CRTAC1: variants seen among roughly 807,000 people sequenced by gnomAD.
CRTAC1 encodes the protein cartilage acidic protein 1.
CRTAC1 carries 37 observed loss-of-function variants against 67.8 expected under a neutral mutation model. That is an observed-to-expected ratio of 0.55 (90% CI 0.42 to 0.72). The LOEUF (loss-of-function observed/expected upper bound fraction) is 0.72. Among genes scored for constraint, CRTAC1 ranks in the 30% least tolerant of loss-of-function variants. The pLI, the probability that CRTAC1 is intolerant of heterozygous loss-of-function variation, is 0.00. For synonymous variants in CRTAC1, 348 were observed against 371.0 expected (o/e 0.94, Z 0.71); for missense variants, 780 against 931.6 (o/e 0.84, Z 2.12).
chr10:97,901,308 C>G (rs540752642), intron 8 of CRTAC1, among the ~76,000 whole-genome samples, 195 bp downstream of exon 8: 1 of 152,380 alleles, frequency 6.6e-6, no homozygotes, highest in African/African-American at 2.4e-5. Flanking sequence ...AGGCTTTGCC[C>G]TGCATTCCCA....
At chr10:98,015,929 G>A (rs968799274) in intron 1 of CRTAC1, among the ~76,000 whole-genome samples, 1 of 152,148 alleles carries the variant, frequency 6.6e-6, no homozygotes, top group African/African-American at 2.4e-5. Flanking sequence ...GTGAAGGCAC[G>A]AGATTGGTTT....
At chr10:98,001,165 C>T (rs2136683753) in intron 2 of CRTAC1, among the ~76,000 whole-genome samples, 1 of 152,054 alleles carries the variant, frequency 6.6e-6, no homozygotes, top group Middle Eastern at 3.4e-3. Context: ...ATGTATAAAA[C>T]AAAAATCGAC....
intron 2 of CRTAC1, among the ~76,000 whole-genome samples, chr10:97,973,733 T>C (rs943371423): frequency 6.6e-6 from 1 of 152,204 alleles, no homozygotes; most frequent in Non-Finnish European, 1.5e-5. Context: ...ACAACTTTTC[T>C]AGAATATTCT....
At chr10:97,944,355 C>T (rs558845626) in intron 2 of CRTAC1, among the ~76,000 whole-genome samples, 10 of 151,858 alleles carry the variant, frequency 6.6e-5, no homozygotes, top group East Asian at 1.9e-4. Flanking sequence ...TCGCATGAAC[C>T]GGGGAGGCAG....
rs1346074365 is a variant in CRTAC1 at position 97,975,733 on chromosome 10, C to G, written c.224+35405G>C. On this transcript the variant is annotated intron_variant, in intron 2 of 14. Transcript: ENST00000370597. This position sits in a 1 kb window ranked among gnomAD's most constrained non-coding sequence, Gnocchi z 4.8. Reference sequence around the variant, plus strand: ...AGACGAGGGAAGACTGGGCTTCCAGCCCCTCACTCCTATACAGAGGCCCTG... The same window carrying G: ...AGACGAGGGAAGACTGGGCTTCCAGGCCCTCACTCCTATACAGAGGCCCTG... Among the ~76,000 whole-genome samples the G allele has an allele frequency of 6.6e-6, 1 of 152,226 alleles. No individual in the cohort carries two copies. Among genetic ancestry groups the G allele is most frequent in the Non-Finnish European group, 1.5e-5 (1 of 68,030 alleles).
At chr10:98,016,398 G>A (rs920894954) in intron 1 of CRTAC1, among the ~76,000 whole-genome samples, 15 of 152,164 alleles carry the variant, frequency 9.9e-5, no homozygotes, top group South Asian at 2.1e-4. Flanking sequence ...TGTCATAGGT[G>A]TTTAAAAGCC....
At chr10:97,893,311 C>G (rs1197541191) in intron 11 of CRTAC1, among the ~76,000 whole-genome samples, 2 of 152,250 alleles carry the variant, frequency 1.3e-5, no homozygotes, top group South Asian at 2.1e-4. Context: ...TAATTTGAGA[C>G]CATAGTGCCT....
chr10:97,883,566 C>T (rs2050243389), intron 12 of CRTAC1, among the ~76,000 whole-genome samples: 5 of 152,226 alleles, frequency 3.3e-5, no homozygotes, highest in Admixed American at 6.5e-5. Flanking sequence ...AGTGCACTGA[C>T]AAAGGTCCTT....
At chr10:97,905,802 G>A (rs1201412899) in intron 6 of CRTAC1, among the ~76,000 whole-genome samples, 2 of 152,212 alleles carry the variant, frequency 1.3e-5, no homozygotes, top group Non-Finnish European at 2.9e-5. Context: ...AGCATGCCTG[G>A]TGAGACCTGG....
At chr10:97,943,160 T>TATGA (rs1184615109) in intron 2 of CRTAC1, among the ~76,000 whole-genome samples, 1 of 151,744 alleles carries the variant, frequency 6.6e-6, no homozygotes, top group African/African-American at 2.4e-5. Context: ...GAGAGAGATG[T>TATGA]ATGAATGCAC....
At chr10:97,984,309 G>A (rs1259069834) in intron 2 of CRTAC1, among the ~76,000 whole-genome samples, 1 of 152,174 alleles carries the variant, frequency 6.6e-6, no homozygotes, top group Non-Finnish European at 1.5e-5. Flanking sequence ...CCATCCAAAT[G>A]AGTGTCCCTC....
intron 14 of CRTAC1, chr10:97,879,684 T>C (rs550641832): frequency 1.3e-6 from 2 of 1,545,574 alleles, no homozygotes; most frequent in African/African-American, 2.8e-5. Context: ...TGATGGGATT[T>C]AAAGTGCATA....
At chr10:97,892,947 GCA>G (rs1024947493) in intron 11 of CRTAC1, among the ~76,000 whole-genome samples, 1 of 152,112 alleles carries the variant, frequency 6.6e-6, no homozygotes, top group African/African-American at 2.4e-5. Context: ...AAAAATTGGA[GCA>G]CACACACACG....
At chr10:97,872,749 G>A (rs2050107421) in intron 14 of CRTAC1, among the ~76,000 whole-genome samples, 1 of 152,210 alleles carries the variant, frequency 6.6e-6, no homozygotes, top group South Asian at 2.1e-4. Context: ...TGGAGAGGCA[G>A]GTGAATGGAT....
intron 2 of CRTAC1, among the ~76,000 whole-genome samples, chr10:97,980,927 T>G (rs2051882632): frequency 6.6e-6 from 1 of 152,186 alleles, no homozygotes; most frequent in African/African-American, 2.4e-5. Flanking sequence ...CCTTCTCAGT[T>G]AAGACAATTA....
At chr10:98,003,302 A>G (rs926008396) in intron 2 of CRTAC1, among the ~76,000 whole-genome samples, 1 of 152,192 alleles carries the variant, frequency 6.6e-6, no homozygotes, top group Non-Finnish European at 1.5e-5. Context: ...AATGAACTTA[A>G]TGGCTTACAA....
intron 3 of CRTAC1, among the ~76,000 whole-genome samples, chr10:97,933,250 A>T (rs1387009359): frequency 6.6e-6 from 1 of 152,256 alleles, no homozygotes; most frequent in Non-Finnish European, 1.5e-5. Context: ...ACCGACAGAC[A>T]TCCCTCAAAC....
At chr10:98,027,283 G>C (rs905817807) in intron 1 of CRTAC1, among the ~76,000 whole-genome samples, 1 of 152,176 alleles carries the variant, frequency 6.6e-6, no homozygotes, top group African/African-American at 2.4e-5. Context: ...AAGGGCAATG[G>C]AAATGGTAGT....
rs1050819910 is a variant in CRTAC1, at chr10:98,030,542, G to C, written c.-70C>G. On this transcript the variant is annotated 5_prime_UTR_variant, in exon 1 of 15. Transcript: ENST00000370597. This position sits in a 1 kb window ranked among gnomAD's most constrained non-coding sequence, Gnocchi z 4.2. Reference sequence around the variant, plus strand: ...GCTCGCTGCCGCCTCTGCCGCCGGCGCCGCCGCCTGCTTGCTCCCAGCCCC... The same window carrying C: ...GCTCGCTGCCGCCTCTGCCGCCGGCCCCGCCGCCTGCTTGCTCCCAGCCCC... 9.2e-6 allele frequency: 10 copies of C among 1,088,278 alleles called. No individual in the cohort carries two copies. The East Asian group carries it at 3.3e-4, about 36-fold the overall frequency. 67.4% of individuals were successfully genotyped at this position (1,088,278 alleles called of 1,614,324 possible). A position where few individuals can be genotyped will look rare whatever the true frequency, so the allele number is the denominator to read the frequency against.
Sources: allele counts gnomAD v4.1 joint callset (sites outside exome capture counted in the v4.1 genomes callset), GRCh38; gene constraint gnomAD v4.1.1; non-coding constraint Gnocchi (gnomAD v3.1); transcripts MANE v1.5; gene names NCBI Gene and HGNC (gene_info 2026-07-23, HGNC 2026-07-21).